The following REV1 variants were observed in gnomAD, a reference collection of about 807,000 sequenced individuals.
REV1 encodes translesion synthesis protein REV1.
In REV1, 42 loss-of-function variants were observed where a neutral mutation model predicts 137.4. The ratio of observed to expected loss-of-function variants is 0.31; its 90% CI spans 0.24 to 0.40. The LOEUF is 0.40. Among genes scored for constraint, REV1 ranks in the 10% least tolerant of loss-of-function variants. REV1 has a pLI of 1.00. For synonymous variants in REV1, 524 were observed against 519.2 expected (o/e 1.01, Z -0.12); for missense variants, 1,282 against 1,490.1 (o/e 0.86, Z 2.30).
At chr2:99,485,631 G>T (rs574985137) in intron 1 of REV1, among the ~76,000 whole-genome samples, 1 of 152,288 alleles carries the variant, frequency 6.6e-6, no homozygotes, top group South Asian at 2.1e-4. Flanking sequence ...CGGTTGTTGA[G>T]ATAATCACTC....
intron 3 of REV1, among the ~76,000 whole-genome samples, chr2:99,461,436 A>G (rs151252610): frequency 1.2e-3 from 179 of 152,342 alleles, no homozygotes; most frequent in African/African-American, 4.0e-3. Flanking sequence ...TCAGGGAGCC[A>G]TAGCTCCAGA....
intron 1 of REV1, among the ~76,000 whole-genome samples, chr2:99,488,720 T>A (rs964641033): frequency 6.6e-6 from 1 of 152,178 alleles, no homozygotes; most frequent in Non-Finnish European, 1.5e-5. Flanking sequence ...ACAGGCTGAT[T>A]TGCTACATAC....
chr2:99,402,981 G>T lies in REV1; in HGVS notation c.3292C>A (p.Pro1098Thr), dbSNP rs768592498. ...SPLNNKLLNS[P>T]AKTLPGACGS... Reference sequence around the variant, plus strand: ...CAGGCCCCTGGCAGAGTTTTTGCAGGACTGTTAAGCAGCTTGTTATTCAAA... The same window carrying T: ...CAGGCCCCTGGCAGAGTTTTTGCAGTACTGTTAAGCAGCTTGTTATTCAAA... Residue 1098 changes from proline to threonine, a missense_variant, in exon 20 of 23, where the codon CCT becomes ACT. Around this residue, in one of 7 missense-constraint regions of REV1, gnomAD observed 170 missense variants for 156.8 expected, o/e 1.08. Coordinates refer to ENST00000258428, the MANE Select transcript of REV1 (RefSeq NM_016316.4). 6.2e-7 allele frequency: 1 copy of T among 1,614,046 alleles called. No individual in the cohort carries two copies. The highest frequency in any genetic ancestry group is 8.5e-7 in the Non-Finnish European group (1 of 1,180,024).
chr2:99,442,743 A>AC (rs1255017132), intron 4 of REV1, among the ~76,000 whole-genome samples: 1 of 152,186 alleles, frequency 6.6e-6, no homozygotes, highest in Non-Finnish European at 1.5e-5. Flanking sequence ...AATCATCAAG[A>AC]CTTCATCAAA....
intron 8 of REV1, among the ~76,000 whole-genome samples, chr2:99,430,618 G>A (rs763748143): frequency 6.6e-6 from 1 of 152,164 alleles, no homozygotes; most frequent in Non-Finnish European, 1.5e-5. Flanking sequence ...GAGTATCGAT[G>A]CTTTAGAGAA....
rs1687542000 is a variant in REV1, at chr2:99,489,985, G to T, written c.-179C>A. 1 of 149,958 alleles carries T rather than the reference G, an allele frequency of 6.7e-6. No individual in the cohort carries two copies. The allele number at this position is 149,958 out of a possible 1,614,324, so 9.3% of individuals were successfully genotyped here. On this transcript the variant is annotated 5_prime_UTR_variant, in exon 1 of 23. Coordinates refer to ENST00000258428, the MANE Select transcript of REV1 (RefSeq NM_016316.4). ...CGGTCCACGCTCCCCCACGCTCGCG[G>T]CAACCAACCCCGCGCGCGCTCCGCG...
chr2:99,432,199 C>A (rs2104742484), intron 8 of REV1, among the ~76,000 whole-genome samples: 1 of 152,228 alleles, frequency 6.6e-6, no homozygotes, highest in South Asian at 2.1e-4. Context: ...ATGAGATACC[C>A]TGGTTGCACG....
chr2:99,448,734 C>T (rs1403554354), intron 4 of REV1, among the ~76,000 whole-genome samples: 1 of 152,164 alleles, frequency 6.6e-6, no homozygotes, highest in Non-Finnish European at 1.5e-5. Flanking sequence ...CCCAAGAACA[C>T]AGAACACTGC....
At chr2:99,477,128 CTTCT>C (rs1427165505) in intron 1 of REV1, among the ~76,000 whole-genome samples, 2 of 152,122 alleles carry the variant, frequency 1.3e-5, no homozygotes, top group South Asian at 2.1e-4. Flanking sequence ...AGTATTCATT[CTTCT>C]TTCTTACTTT....
intron 13 of REV1, among the ~76,000 whole-genome samples, chr2:99,412,356 C>A (rs994597540): frequency 6.6e-6 from 1 of 151,162 alleles, no homozygotes; most frequent in South Asian, 2.1e-4. Flanking sequence ...CAAAAGCTTG[C>A]ATAAGGAGGG....
chr2:99,404,773 C>T (rs1676040426), intron 17 of REV1, 96 bp from the exon 18 acceptor site: 2 of 831,838 alleles, frequency 2.4e-6, no homozygotes, highest in Admixed American at 5.1e-5. Context: ...AATTTGAATA[C>T]TGTGGATAAT....
chr2:99,467,409 G>A (rs995407795), intron 1 of REV1, among the ~76,000 whole-genome samples: 1 of 152,170 alleles, frequency 6.6e-6, no homozygotes, highest in African/African-American at 2.4e-5. Context: ...CTTGACTCAT[G>A]AACAACAAAC....
At chr2:99,424,941 C>T (rs1679141879) in intron 9 of REV1, 2 of 1,248,910 alleles carry the variant, frequency 1.6e-6, no homozygotes, top group Non-Finnish European at 2.1e-6. Flanking sequence ...TGTCTCAGTG[C>T]CCCACATTAC....
At chr2:99,417,034 T>C (rs1466583060) in intron 12 of REV1, among the ~76,000 whole-genome samples, 3 of 151,588 alleles carry the variant, frequency 2.0e-5, no homozygotes, top group African/African-American at 4.9e-5. Context: ...CAAAGAAAAC[T>C]ACAAAAAGGG....
chr2:99,424,207 A>G lies in REV1; in HGVS notation c.1621T>C (p.Tyr541His). 6.2e-7 allele frequency: 1 copy of G among 1,614,066 alleles called. No individual in the cohort carries two copies. The highest frequency in any genetic ancestry group is 1.7e-5 in the Admixed American group (1 of 60,032). ...QLCPNLQAVP[Y>H]DFHAYKEVAQ... ...ACTTCCTTATATGCATGAAAATCGTATGGAACAGCTTGAAGATTAGGACAT... is the reference window on the plus strand; with the variant it reads ...ACTTCCTTATATGCATGAAAATCGTGTGGAACAGCTTGAAGATTAGGACAT... The change falls in exon 10 of 23, where the codon TAC becomes CAC. Residue 541 changes from tyrosine (Y) to histidine (H), a missense_variant. Around this residue, in one of 7 missense-constraint regions of REV1, gnomAD observed 372 missense variants for 482.3 expected, o/e 0.77. Transcript: ENST00000258428.
intron 18 of REV1, 95 bp from the exon 19 acceptor site, chr2:99,403,910 C>A (rs1675881562): frequency 6.9e-7 from 1 of 1,452,500 alleles, no homozygotes; most frequent in Non-Finnish European, 9.4e-7. Context: ...TTTCAAATCT[C>A]ACTTTTCTGA....
intron 2 of REV1, among the ~76,000 whole-genome samples, chr2:99,463,111 T>C (rs1575184278): frequency 2.0e-5 from 3 of 151,810 alleles, no homozygotes. Flanking sequence ...AATAAATAAA[T>C]ATAAATACAT....
At position 99,438,604 on chromosome 2, in the gene REV1, T is replaced by C. The variant is rs887058058; in HGVS notation, c.1210A>G (p.Thr404Ala). ...TGRSALVVTD[T>A]GDMSVLNSPR... ...GACAATTTTAATAAGTATCTACCTG[T>C]GTCAGTTACAACAAGTGCAGACCTG... Residue 404 changes from threonine (T) to alanine (A), a missense_variant, in exon 6 of 23, where the codon ACA becomes GCA. This residue lies in a region of REV1 where 432 missense variants were observed against 438.0 expected (regional missense o/e 0.99). Coordinates refer to ENST00000258428, the MANE Select transcript of REV1 (RefSeq NM_016316.4). 5 of 1,607,208 alleles carry C rather than the reference T, an allele frequency of 3.1e-6. No homozygotes were observed. The African/African-American group carries it at 6.7e-5, about 21-fold the overall frequency.
At chr2:99,466,511 G>C (rs908125712) in intron 1 of REV1, among the ~76,000 whole-genome samples, 2 of 152,182 alleles carry the variant, frequency 1.3e-5, no homozygotes, top group African/African-American at 4.8e-5. Flanking sequence ...CAAAGTGCTA[G>C]GATTACAGGC....
Sources: allele counts gnomAD v4.1 joint callset (sites outside exome capture counted in the v4.1 genomes callset), GRCh38; gene constraint gnomAD v4.1.1; regional missense constraint gnomAD v4.1.1; transcripts MANE v1.5; gene names NCBI Gene and HGNC (gene_info 2026-07-23, HGNC 2026-07-21).